Variants in NCKAP5 observed in about 807,000 individuals in gnomAD.
NCKAP5 encodes the protein nck-associated protein 5.
In NCKAP5, 92 loss-of-function variants were observed where a neutral mutation model predicts 167.0. The ratio of observed to expected loss-of-function variants is 0.55; its 90% CI spans 0.47 to 0.66. The LOEUF is 0.66. Ranked by LOEUF, NCKAP5 falls within the 30% of genes least tolerant of loss-of-function variation. The pLI is 0.00. For missense variants in NCKAP5, 2,378 were observed against 2,315.0 expected (o/e 1.03, Z -0.56); for synonymous variants, 891 against 877.4 (o/e 1.02, Z -0.27).
intron 11 of NCKAP5, among the ~76,000 whole-genome samples, chr2:132,842,551 C>A (rs1305323370): frequency 6.6e-6 from 1 of 150,996 alleles, no homozygotes; most frequent in Admixed American, 6.6e-5. Flanking sequence ...TTTTTCTTTT[C>A]TTTTTTTTAA....
chr2:133,093,333 A>G (rs16847691), intron 6 of NCKAP5, among the ~76,000 whole-genome samples: 9,998 of 152,166 alleles, frequency 0.066, 1,064 homozygotes, highest in African/African-American at 0.22. Flanking sequence ...CTGGAGTTTG[A>G]CTCTAAGAGT....
the NCKAP5 span, among the ~76,000 whole-genome samples, chr2:133,588,011 A>T: frequency 6.6e-6 from 1 of 152,122 alleles, no homozygotes; most frequent in Non-Finnish European, 1.5e-5. Flanking sequence ...GAAAATAGAA[A>T]CTGTTAAAAT....
the NCKAP5 span, among the ~76,000 whole-genome samples, chr2:133,607,407 G>T: frequency 6.6e-6 from 1 of 152,046 alleles, no homozygotes; most frequent in South Asian, 2.1e-4. Flanking sequence ...TCTAGTATGC[G>T]TCCAGCTCAC....
intron 4 of NCKAP5, among the ~76,000 whole-genome samples, chr2:133,261,336 C>T (rs994312491): frequency 5.3e-5 from 8 of 152,138 alleles, no homozygotes; most frequent in Non-Finnish European, 8.8e-5. Context: ...TCCTTTGCAA[C>T]CCACAGTGTT....
intron 4 of NCKAP5, among the ~76,000 whole-genome samples, chr2:133,242,233 ACT>A (rs1479551422): frequency 6.6e-6 from 1 of 150,602 alleles, no homozygotes; most frequent in African/African-American, 2.5e-5. Context: ...CTTGGTAAAT[ACT>A]CTGTTTTTCT....
chr2:133,643,471 T>C, the NCKAP5 span, among the ~76,000 whole-genome samples: 1 of 152,208 alleles, frequency 6.6e-6, no homozygotes, highest in Non-Finnish European at 1.5e-5. Flanking sequence ...AAGAATCATC[T>C]GTGATTTCCC....
At chr2:133,664,373 C>G in the NCKAP5 span, among the ~76,000 whole-genome samples, 1 of 152,202 alleles carries the variant, frequency 6.6e-6, no homozygotes, top group Admixed American at 6.5e-5. Context: ...TACATCCTAA[C>G]AAGAGAGTCA....
At chr2:133,399,353 A>G (rs1313637224) in intron 3 of NCKAP5, among the ~76,000 whole-genome samples, 1 of 152,012 alleles carries the variant, frequency 6.6e-6, no homozygotes, top group Admixed American at 6.6e-5. Context: ...TCTTCATTGC[A>G]CAGATTAAGA....
chr2:133,254,037 T>C lies in NCKAP5; in HGVS notation c.144-40258A>G, dbSNP rs151163930. On this transcript the variant is annotated intron_variant, in intron 4 of 19. Transcript: ENST00000409261. ...CTCCACTGCAAAAGCCTGGGAAACA[T>C]GCCTAAAAAATTTTAGATGATGATA... 2.2e-3 allele frequency among the ~76,000 whole-genome samples: 342 copies of C among 152,262 alleles called. 3 individuals carry two copies. Among genetic ancestry groups the C allele is most frequent in the East Asian group, 0.02 (102 of 5,170 alleles).
intron 8 of NCKAP5, among the ~76,000 whole-genome samples, chr2:132,910,182 T>G (rs1198033683): frequency 2.0e-5 from 3 of 152,162 alleles, no homozygotes; most frequent in Non-Finnish European, 4.4e-5. Flanking sequence ...GATACAGGCA[T>G]GCAATGTGTA....
chr2:133,362,438 G>C (rs1685175305), intron 3 of NCKAP5, among the ~76,000 whole-genome samples: 1 of 152,146 alleles, frequency 6.6e-6, no homozygotes, highest in African/African-American at 2.4e-5. Context: ...CCCATATTAA[G>C]AACAGAAAAA....
At chr2:133,603,170 G>T in the NCKAP5 span, among the ~76,000 whole-genome samples, 1 of 151,740 alleles carries the variant, frequency 6.6e-6, no homozygotes, top group Non-Finnish European at 1.5e-5. Context: ...AGAGTATTTG[G>T]CCCCCAGAAG....
chr2:132,798,987 G>T (rs1297018268), intron 11 of NCKAP5, among the ~76,000 whole-genome samples: 1 of 152,048 alleles, frequency 6.6e-6, no homozygotes, highest in Non-Finnish European at 1.5e-5. Flanking sequence ...CAGTAGCAAA[G>T]ACACGGAATC....
At chr2:133,368,409 T>C (rs1685587898) in intron 3 of NCKAP5, among the ~76,000 whole-genome samples, 1 of 152,252 alleles carries the variant, frequency 6.6e-6, no homozygotes. Flanking sequence ...TTTATTTTAT[T>C]TTTCCTTTTC....
At chr2:133,661,833 C>T in the NCKAP5 span, among the ~76,000 whole-genome samples, 3 of 152,174 alleles carry the variant, frequency 2.0e-5, no homozygotes, top group Admixed American at 6.5e-5. Flanking sequence ...TTATTAGAAA[C>T]GGATCAGGAT....
At chr2:132,754,238 A>G (rs896238118) in intron 16 of NCKAP5, among the ~76,000 whole-genome samples, 1 of 152,142 alleles carries the variant, frequency 6.6e-6, no homozygotes, top group Non-Finnish European at 1.5e-5. Flanking sequence ...GACTTCCCCT[A>G]TCGATCTTTC....
At chr2:133,544,335 T>C (rs1386908018) in intron 2 of NCKAP5, among the ~76,000 whole-genome samples, 3 of 152,194 alleles carry the variant, frequency 2.0e-5, no homozygotes, top group Non-Finnish European at 4.4e-5. Context: ...TAAAAAGTAA[T>C]CATGAATATC....
At chr2:133,604,154 T>C in the NCKAP5 span, among the ~76,000 whole-genome samples, 1 of 152,168 alleles carries the variant, frequency 6.6e-6, no homozygotes, top group Non-Finnish European at 1.5e-5. Context: ...ATATACCTGA[T>C]GGCAGGAATG....
chr2:133,274,631 G>A (rs2089652817), intron 4 of NCKAP5, among the ~76,000 whole-genome samples: 1 of 151,952 alleles, frequency 6.6e-6, no homozygotes, highest in African/African-American at 2.4e-5. Flanking sequence ...AATTCAACAG[G>A]TAAGAGATGT....
Sources: gnomAD v4.1 joint callset for allele counts (sites outside exome capture counted in the v4.1 genomes callset) on GRCh38, gnomAD v4.1.1 for gene constraint, MANE v1.5 for transcripts, NCBI Gene and HGNC (gene_info 2026-07-23, HGNC 2026-07-21) for gene names.